The following ARHGAP18 variants were observed in gnomAD, a reference collection of about 807,000 sequenced individuals.
ARHGAP18 encodes the protein Rho GTPase activating protein 18.
In ARHGAP18, 67 loss-of-function variants were observed where a neutral mutation model predicts 86.2. That is an observed-to-expected ratio of 0.78 (90% CI 0.64 to 0.95). The LOEUF is 0.95. Ranked by LOEUF, ARHGAP18 falls within the 40% of genes least tolerant of loss-of-function variation. ARHGAP18 has a pLI of 0.00. For synonymous variants in ARHGAP18, 283 were observed against 280.4 expected, an observed-to-expected ratio of 1.01 and a Z score of -0.09; for missense variants, 691 against 780.4, an observed-to-expected ratio of 0.89 and a Z score of 1.37.
chr6:129,657,820 T>C (rs1230966499), intron 1 of ARHGAP18, among the ~76,000 whole-genome samples: 1 of 152,204 alleles, frequency 6.6e-6, no homozygotes, highest in Non-Finnish European at 1.5e-5. Context: ...AATCAGTGAA[T>C]TGCAATAAGC....
intron 1 of ARHGAP18, among the ~76,000 whole-genome samples, chr6:129,678,045 A>G (rs977053363): frequency 2.0e-5 from 3 of 152,238 alleles, no homozygotes; most frequent in African/African-American, 4.8e-5. Context: ...TCTGCCTTAC[A>G]TTTCTACCAA....
intron 2 of ARHGAP18, among the ~76,000 whole-genome samples, chr6:129,640,123 T>C (rs1250393202): frequency 1.3e-5 from 2 of 148,376 alleles, no homozygotes; most frequent in Non-Finnish European, 1.5e-5. Flanking sequence ...TATTGGTGTA[T>C]AAAACCAGAT....
chr6:129,625,835 C>T (rs9402152), intron 5 of ARHGAP18, among the ~76,000 whole-genome samples: 1,052 of 13,596 alleles, frequency 0.077, 119 homozygotes, highest in Non-Finnish European at 0.12. Context: ...ATATATTATA[C>T]ATTTATATAT....
rs1243804797 is a variant in ARHGAP18 at position 129,638,739 on chromosome 6, G to T, written c.317-110C>A. ...ACTCTTCTATTGTAACCAAACCACA[G>T]TGCTAAGAATCATTATCTAAAACTT... On this transcript the variant is annotated intron_variant, in intron 2 of 14. Transcript: ENST00000368149. 4 of 952,844 alleles carry T rather than the reference G, an allele frequency of 4.2e-6. No homozygotes were observed. The African/African-American group carries it at 6.7e-5, about 16-fold the overall frequency. The allele number at this position is 952,844 out of a possible 1,614,324, so 59.0% of individuals were successfully genotyped here.
chr6:129,703,603 C>G (rs184893384), intron 1 of ARHGAP18, among the ~76,000 whole-genome samples: 46 of 152,328 alleles, frequency 3.0e-4, no homozygotes, highest in Non-Finnish European at 4.6e-4. Flanking sequence ...AATAGGCCCA[C>G]AAAAATCACA....
intron 1 of ARHGAP18, among the ~76,000 whole-genome samples, chr6:129,647,192 G>A (rs1773598260): frequency 1.3e-5 from 2 of 152,108 alleles, no homozygotes; most frequent in South Asian, 4.1e-4. Flanking sequence ...TGTCCATTAT[G>A]TGTAAGGGGC....
intron 14 of ARHGAP18, among the ~76,000 whole-genome samples, chr6:129,579,176 C>G (rs1788238148): frequency 6.6e-6 from 1 of 152,006 alleles, no homozygotes; most frequent in African/African-American, 2.4e-5. Flanking sequence ...TTAGGAGGGG[C>G]AATGGTTTTG....
At chr6:129,677,167 C>A (rs576073529) in intron 1 of ARHGAP18, among the ~76,000 whole-genome samples, 1 of 151,922 alleles carries the variant, frequency 6.6e-6, no homozygotes, top group South Asian at 2.1e-4. Flanking sequence ...CCGAAGCAGG[C>A]GGATCACGAG....
At chr6:129,693,004 C>A (rs956554973) in intron 1 of ARHGAP18, among the ~76,000 whole-genome samples, 3 of 152,194 alleles carry the variant, frequency 2.0e-5, no homozygotes, top group Non-Finnish European at 2.9e-5. Context: ...CCAAATAGGT[C>A]ATTTTATTTT....
chr6:129,580,968 T>C (rs1014420794), intron 13 of ARHGAP18, among the ~76,000 whole-genome samples: 1 of 152,194 alleles, frequency 6.6e-6, no homozygotes, highest in African/African-American at 2.4e-5. Context: ...ATTATGTCAT[T>C]ATCTTTCTGT....
intron 1 of ARHGAP18, among the ~76,000 whole-genome samples, chr6:129,696,014 C>T (rs1339418945): frequency 6.6e-6 from 1 of 152,146 alleles, no homozygotes; most frequent in Non-Finnish European, 1.5e-5. Context: ...TACACTGATG[C>T]TATTTAAGTA....
At chr6:129,624,497 C>G (rs1789297822) in intron 5 of ARHGAP18, among the ~76,000 whole-genome samples, 2 of 151,834 alleles carry the variant, frequency 1.3e-5, no homozygotes, top group Admixed American at 1.3e-4. Flanking sequence ...GCCTGGGTGA[C>G]AGAGCGAGAT....
chr6:129,643,696 T>G (rs1475677552), intron 1 of ARHGAP18, among the ~76,000 whole-genome samples: 2 of 151,910 alleles, frequency 1.3e-5, no homozygotes, highest in Non-Finnish European at 3.0e-5. Flanking sequence ...GAAGTAATTC[T>G]TTGTTTGCCA....
rs550989363 is a variant in ARHGAP18, at chr6:129,617,463, C to T, written c.953-1160G>A. On this transcript the variant is annotated intron_variant, in intron 6 of 14. Coordinates refer to ENST00000368149, the MANE Select transcript of ARHGAP18 (RefSeq NM_033515.3). ...TAAATAACTTTTCAGTTTGGGAATT[C>T]GGAAAAGATGCAATCTCAAGGATGC... 1.9e-3 allele frequency among the ~76,000 whole-genome samples: 292 copies of T among 152,128 alleles called. 1 individual carries two copies. The highest frequency in any genetic ancestry group is 2.4e-3 in the Non-Finnish European group (164 of 68,020).
intron 7 of ARHGAP18, among the ~76,000 whole-genome samples, chr6:129,612,348 A>G (rs1298413521): frequency 6.6e-6 from 1 of 152,234 alleles, no homozygotes; most frequent in Non-Finnish European, 1.5e-5. Context: ...CGTATAAAAC[A>G]TATTCTATTT....
chr6:129,581,186 T>C (rs1210418944), intron 13 of ARHGAP18, among the ~76,000 whole-genome samples: 4 of 152,188 alleles, frequency 2.6e-5, no homozygotes, highest in Non-Finnish European at 5.9e-5. Flanking sequence ...CTGACTTGTA[T>C]TCAAGCCATT....
chr6:129,622,812 C>T (rs1365522190), intron 5 of ARHGAP18, among the ~76,000 whole-genome samples: 2 of 151,862 alleles, frequency 1.3e-5, no homozygotes, highest in Non-Finnish European at 2.9e-5. Context: ...ACCAGCCTGA[C>T]CAACATGGTG....
chr6:129,602,759 T>A (rs1250230521), intron 10 of ARHGAP18, among the ~76,000 whole-genome samples: 1 of 152,178 alleles, frequency 6.6e-6, no homozygotes, highest in African/African-American at 2.4e-5. Flanking sequence ...GAGACCAGAA[T>A]AATTGTTCAG....
intron 12 of ARHGAP18, chr6:129,598,939 G>GGGGT (rs771873860): frequency 5.5e-5 from 11 of 201,706 alleles, no homozygotes; most frequent in Non-Finnish European, 1.1e-4. Flanking sequence ...TAGGGGTGTA[G>GGGGT]GGGTGTGTGT....
Sources: gnomAD v4.1 joint callset for allele counts (sites outside exome capture counted in the v4.1 genomes callset) on GRCh38, gnomAD v4.1.1 for gene constraint, MANE v1.5 for transcripts, NCBI Gene and HGNC (gene_info 2026-07-23, HGNC 2026-07-21) for gene names.